COL5A1: variants seen among roughly 807,000 people sequenced by gnomAD.
COL5A1 encodes collagen type V alpha 1 chain.
COL5A1 carries 16 observed loss-of-function variants against 263.7 expected under a neutral mutation model. That is an observed-to-expected ratio of 0.06 (90% confidence interval 0.04 to 0.09). COL5A1 has a LOEUF of 0.09. Among genes scored for constraint, COL5A1 ranks in the 10% least tolerant of loss-of-function variants. The pLI is 1.00. For synonymous variants in COL5A1, 1,012 were observed against 1,004.5 expected, an observed-to-expected ratio of 1.01 and a Z score of -0.14; for missense variants, 2,036 against 2,540.5, an observed-to-expected ratio of 0.80 and a Z score of 4.27.
Position 134,758,269 on chromosome 9 carries a change from T to G in COL5A1, c.1908T>G (p.Ala636=). 6.2e-7 allele frequency: 1 copy of G among 1,614,032 alleles called. No homozygotes were observed. Among genetic ancestry groups the G allele is most frequent in the Non-Finnish European group, 8.5e-7 (1 of 1,179,996 alleles). ...GTGACCGGGGTTTCGACGGCCTGGC[T>G]GGGTTGCCAGGCGAGAAGGGCCACA... is the stretch of plus-strand genomic sequence containing the variant. ...PKGDRGFDGL[A]GLPGEKGHRG... is the part of the protein sequence containing the mutation. The change falls in exon 18 of 66, where the codon GCT becomes GCG. Residue 636 remains alanine, a synonymous_variant. Transcript: ENST00000371817. This position sits in a 1 kb window ranked among gnomAD's most constrained non-coding sequence, Gnocchi z 4.1.
chr9:134,698,062 C>T lies in COL5A1; in HGVS notation c.278-1847C>T, dbSNP rs569713259. Reference sequence around the variant, plus strand: ...TCTCACCACTGCACTCCAACCTGGGCGACAGAACGAGACTCTATCTCAAAA... The same window carrying T: ...TCTCACCACTGCACTCCAACCTGGGTGACAGAACGAGACTCTATCTCAAAA... On this transcript the variant is annotated intron_variant, in intron 2 of 65. Coordinates refer to ENST00000371817, the MANE Select transcript of COL5A1 (RefSeq NM_000093.5). Among the ~76,000 whole-genome samples, 13 of 152,200 alleles carry T rather than the reference C, an allele frequency of 8.5e-5. No homozygotes were observed. In the South Asian group the frequency reaches 1.2e-3, roughly 15 times the overall value.
At chr9:134,674,195 C>G (rs906556314) in intron 1 of COL5A1, among the ~76,000 whole-genome samples, 2 of 152,156 alleles carry the variant, frequency 1.3e-5, no homozygotes, top group African/African-American at 4.8e-5. Context: ...AAACATGCGT[C>G]CATACAGAGA....
chr9:134,760,005 CA>C (rs1836250968), intron 18 of COL5A1, among the ~76,000 whole-genome samples: 1 of 110,576 alleles, frequency 9.0e-6, no homozygotes, highest in African/African-American at 4.3e-5. Flanking sequence ...ACCCCACACT[CA>C]TACACACATG....
At position 134,765,713 on chromosome 9, in the gene COL5A1, C is replaced by T. The variant is rs1836637457; in HGVS notation, c.2067C>T (p.Pro689=). 8.7e-6 allele frequency: 14 copies of T among 1,613,564 alleles called. No homozygotes were observed. The highest frequency in any genetic ancestry group is 1.1e-5 in the Non-Finnish European group (13 of 1,179,682). ...GTGGTCTGCTTGGGCCGAAGGGGCC[C>T]CCAGGTCCTCCCGGACCTCCCGTAA... ...GPRGLLGPKG[P]PGPPGPPGVT... The change falls in exon 21 of 66, where the codon CCC becomes CCT. Residue 689 remains proline (P), a synonymous_variant. Coordinates refer to ENST00000371817, the MANE Select transcript of COL5A1 (RefSeq NM_000093.5). This position sits in a 1 kb window ranked among gnomAD's most constrained non-coding sequence, Gnocchi z 5.1.
At chr9:134,839,419 G>A (rs957861538) in intron 65 of COL5A1, among the ~76,000 whole-genome samples, 3 of 152,176 alleles carry the variant, frequency 2.0e-5, no homozygotes, top group African/African-American at 7.2e-5. Context: ...GAAATCACCC[G>A]ACAGCTCAGC....
intron 52 of COL5A1, among the ~76,000 whole-genome samples, chr9:134,816,255 G>A (rs770762939): frequency 3.7e-4 from 56 of 152,210 alleles, no homozygotes; most frequent in Non-Finnish European, 6.2e-4. Flanking sequence ...GGGCTTCCAC[G>A]ACCCACCATG....
At chr9:134,649,550 C>G (rs1322607661) in intron 1 of COL5A1, 1 of 469,860 alleles carries the variant, frequency 2.1e-6, no homozygotes, top group Non-Finnish European at 4.4e-6. Flanking sequence ...TTGCCAGGAC[C>G]TCGGCAATAG....
chr9:134,658,668 A>T (rs578097482), intron 1 of COL5A1, among the ~76,000 whole-genome samples: 5 of 152,218 alleles, frequency 3.3e-5, no homozygotes, highest in African/African-American at 1.2e-4. Context: ...ATGGAAGCCG[A>T]CGCCCCTCTT....
rs1830145304 is a variant in COL5A1 at position 134,842,853 on chromosome 9, A to G, written c.*550A>G. On this transcript the variant is annotated 3_prime_UTR_variant, in exon 66 of 66. Transcript: ENST00000371817. This position sits in a 1 kb window ranked among gnomAD's most constrained non-coding sequence, Gnocchi z 5.8. ...TCTGCAGGTGCCTTCCCGATGGATT[A>G]AAGGTGCTTATGTTTTTGTGAGTTT... 6.0e-6 allele frequency: 1 copy of G among 167,174 alleles called. No individual in the cohort carries two copies. 10.4% of individuals were successfully genotyped at this position (167,174 alleles called of 1,614,324 possible). A position where few individuals can be genotyped will look rare whatever the true frequency, so the allele number is the denominator to read the frequency against.
chr9:134,826,654 C>CTGGTGGATGGGTGTGTGTATGGG (rs377336232), intron 63 of COL5A1, among the ~76,000 whole-genome samples: 1 of 146,782 alleles, frequency 6.8e-6, no homozygotes, highest in Non-Finnish European at 1.5e-5. Flanking sequence ...GTGCATGTGG[C>CTGGTGGATGGGTGTGTGTATGGG]TGGTGGATGG....
chr9:134,648,433 C>A (rs1380998885), intron 1 of COL5A1, among the ~76,000 whole-genome samples: 1 of 151,980 alleles, frequency 6.6e-6, no homozygotes, highest in African/African-American at 2.4e-5. Context: ...GGCATAGGGA[C>A]CAGGGTGGCC....
At chr9:134,803,705 T>C (rs575386943) in intron 39 of COL5A1, among the ~76,000 whole-genome samples, 8 of 152,014 alleles carry the variant, frequency 5.3e-5, no homozygotes, top group African/African-American at 9.6e-5. Flanking sequence ...TAGCTGGGTG[T>C]GGTGGCGGGC....
chr9:134,798,455 C>T lies in COL5A1; in HGVS notation c.2946C>T (p.Gly982=), dbSNP rs1060502253. 10 of 1,613,932 alleles carry T rather than the reference C, an allele frequency of 6.2e-6. No homozygotes were observed. The Admixed American group carries it at 6.7e-5, about 11-fold the overall frequency. The change falls in exon 37 of 66, where the codon GGC becomes GGT. Residue 982 remains glycine (G), a synonymous_variant. Transcript: ENST00000371817. The part of the protein sequence containing the change: ...DGLPGHPGQR[G]ETGFQGKTGP... Reference sequence around the variant, plus strand: ...TCCCAGGACACCCTGGACAGAGAGGCGAGACTGTGAGTATCGAGGGTGCTG... The same window carrying T: ...TCCCAGGACACCCTGGACAGAGAGGTGAGACTGTGAGTATCGAGGGTGCTG...
rs1835917754 is a variant in COL5A1 at position 134,754,959 on chromosome 9, T to C, written c.1827+633T>C. Among the ~76,000 whole-genome samples, 1 of 152,142 alleles carries C rather than the reference T, an allele frequency of 6.6e-6. No individual in the cohort carries two copies. Among genetic ancestry groups the C allele is most frequent in the African/African-American group, 2.4e-5 (1 of 41,428 alleles). The stretch of plus-strand genomic sequence containing the variant: ...AATTTCGGTGCAGGGTTGGATTTGT[T>C]TCAGTGTGGACCTCTTCCCAGTATG... On this transcript the variant is annotated intron_variant, in intron 16 of 65. Transcript: ENST00000371817. The surrounding 1 kb of genome is among the most constrained non-coding windows in gnomAD (Gnocchi z 4.3).
chr9:134,774,779 C>T (rs1032129596), intron 26 of COL5A1, 80 bp from the exon 27 acceptor site: 54 of 1,449,672 alleles, frequency 3.7e-5, no homozygotes, highest in Non-Finnish European at 4.7e-5. Context: ...AGGGGTATGC[C>T]GAACTCTGGA....
rs1383211256 is a variant in COL5A1, at chr9:134,750,852, C to T, written c.1632C>T (p.Ser544=). ...GCCCCATGGTCTCAGCCCAGGAGTC[C>T]CAGGCGCAAGCCATTCTCCAGCAGG... ...SKGPMVSAQE[S]QAQAILQQAR... The change falls in exon 13 of 66, where the codon TCC becomes TCT. Residue 544 remains serine, a synonymous_variant. Coordinates refer to ENST00000371817, the MANE Select transcript of COL5A1 (RefSeq NM_000093.5). 1 of 1,612,976 alleles carries T rather than the reference C, an allele frequency of 6.2e-7. No individual in the cohort carries two copies. Among genetic ancestry groups the T allele is most frequent in the South Asian group, 1.1e-5 (1 of 91,074 alleles).
rs1830105838 is a variant in COL5A1 at position 134,841,661 on chromosome 9, G to C, written c.5371-496G>C. Among the ~76,000 whole-genome samples the C allele has an allele frequency of 6.6e-6, 1 of 152,124 alleles. No homozygotes were observed. Among genetic ancestry groups the C allele is most frequent in the South Asian group, 2.1e-4 (1 of 4,826 alleles). ...CAGTGTGTGGCAGGTGGTCGTAGGG[G>C]GGTCTTACTTGGCTCAAGGCTCTGC... On this transcript the variant is annotated intron_variant, in intron 65 of 65. Coordinates refer to ENST00000371817, the MANE Select transcript of COL5A1 (RefSeq NM_000093.5). This position sits in a 1 kb window ranked among gnomAD's most constrained non-coding sequence, Gnocchi z 4.8.
rs112927487 is a variant in COL5A1, at chr9:134,726,938, G to T, written c.655-328G>T. Reference sequence around the variant, plus strand: ...GGATGGGTGAATGGGTGGGTGAATGGATGGAAGGACTGGTAGATGTAGATG... The same window carrying T: ...GGATGGGTGAATGGGTGGGTGAATGTATGGAAGGACTGGTAGATGTAGATG... On this transcript the variant is annotated intron_variant, in intron 4 of 65. Transcript: ENST00000371817. Among the ~76,000 whole-genome samples the T allele has an allele frequency of 4.8e-3, 732 of 151,704 alleles. 6 individuals are homozygous for T. The highest frequency in any genetic ancestry group is 0.017 in the African/African-American group (700 of 41,324).
At chr9:134,803,835 T>C (rs1459958321) in intron 39 of COL5A1, among the ~76,000 whole-genome samples, 2 of 150,314 alleles carry the variant, frequency 1.3e-5, no homozygotes, top group African/African-American at 4.9e-5. Flanking sequence ...AGAGCGAGAC[T>C]CCATCTCAAA....
Sources: allele counts gnomAD v4.1 joint callset (sites outside exome capture counted in the v4.1 genomes callset), GRCh38; gene constraint gnomAD v4.1.1; non-coding constraint Gnocchi (gnomAD v3.1); transcripts MANE v1.5; gene names NCBI Gene and HGNC (gene_info 2026-07-23, HGNC 2026-07-21).